Variants in ZFHX3 observed in about 807,000 individuals in gnomAD.
ZFHX3 encodes zinc finger homeobox protein 3.
Under a neutral mutation model 279.1 loss-of-function variants are expected in ZFHX3, and 42 were observed. The observed-to-expected ratio is 0.15, with a 90% CI of 0.12 to 0.19. ZFHX3 has a LOEUF of 0.19. Ranked by LOEUF, ZFHX3 falls within the 10% of genes least tolerant of loss-of-function variation. ZFHX3 has a pLI of 1.00. For missense variants in ZFHX3, 4,981 were observed against 4,754.0 expected (o/e 1.05, Z -1.40); for synonymous variants, 2,293 against 1,957.8 (o/e 1.17, Z -4.52).
At chr16:73,454,812 A>G (rs1056406934) in intron 3 of ZFHX3, among the ~76,000 whole-genome samples, 2 of 152,068 alleles carry the variant, frequency 1.3e-5, no homozygotes, top group Admixed American at 1.3e-4. Flanking sequence ...TTCAATCACA[A>G]ATCTTCTATA....
intron 2 of ZFHX3, among the ~76,000 whole-genome samples, chr16:73,623,655 G>A (rs1232560190): frequency 6.6e-6 from 1 of 152,144 alleles, no homozygotes; most frequent in African/African-American, 2.4e-5. Context: ...GTGAAAAATC[G>A]TGAAATATTT....
At position 72,795,008 on chromosome 16, in the gene ZFHX3, G is replaced by A. The variant is rs1175871710; in HGVS notation, c.7674C>T (p.Asn2558=). Reference sequence around the variant, plus strand: ...CCAAAAACTGGGGGTGGATGAACTGGTTCTGCGCGCTCAGGAAGTGGAGCT... The same window carrying A: ...CCAAAAACTGGGGGTGGATGAACTGATTCTGCGCGCTCAGGAAGTGGAGCT... ...HQQLHFLSAQ[N]QFIHPQFLDR... The change falls in exon 9 of 10, where the codon AAC becomes AAT. Residue 2558 remains asparagine (N), a synonymous_variant. Transcript: ENST00000268489. 1.2e-6 allele frequency: 2 copies of A among 1,614,208 alleles called. No individual in the cohort carries two copies. The highest frequency in any genetic ancestry group is 2.7e-5 in the African/African-American group (2 of 75,054).
intron 7 of ZFHX3, among the ~76,000 whole-genome samples, chr16:73,103,217 G>T (rs888193023): frequency 6.6e-6 from 1 of 152,042 alleles, no homozygotes; most frequent in African/African-American, 2.4e-5. Flanking sequence ...GATTTCCTGC[G>T]CCCAGCCTAT....
intron 4 of ZFHX3, among the ~76,000 whole-genome samples, chr16:73,298,041 A>G (rs1202094519): frequency 1.6e-4 from 24 of 151,418 alleles, no homozygotes; most frequent in Admixed American, 1.6e-3. Context: ...ATAAATAACA[A>G]TTAGCCAGGC....
intron 1 of ZFHX3, among the ~76,000 whole-genome samples, chr16:73,685,717 A>G (rs1243628424): frequency 6.6e-6 from 1 of 152,198 alleles, no homozygotes; most frequent in African/African-American, 2.4e-5. Flanking sequence ...TGTAATAATC[A>G]ACAAAATGCC....
At chr16:73,667,464 A>T (rs1207183615) in intron 2 of ZFHX3, among the ~76,000 whole-genome samples, 1 of 152,178 alleles carries the variant, frequency 6.6e-6, no homozygotes, top group Non-Finnish European at 1.5e-5. Flanking sequence ...AATGATACAT[A>T]TATGTTTCAG....
chr16:73,033,521 G>A (rs1196544334), intron 1 of ZFHX3, among the ~76,000 whole-genome samples: 1 of 151,238 alleles, frequency 6.6e-6, no homozygotes, highest in Non-Finnish European at 1.5e-5. Flanking sequence ...GGGGGAAAGG[G>A]GGCAGGCGGG....
intron 5 of ZFHX3, among the ~76,000 whole-genome samples, chr16:72,817,121 A>C (rs1650511326): frequency 6.6e-6 from 1 of 152,252 alleles, no homozygotes; most frequent in South Asian, 2.1e-4. Context: ...TACTTTAAGG[A>C]ACAGTATCAC....
intron 3 of ZFHX3, among the ~76,000 whole-genome samples, chr16:72,903,549 C>T (rs2039093179): frequency 6.6e-6 from 1 of 152,058 alleles, no homozygotes; most frequent in Non-Finnish European, 1.5e-5. Flanking sequence ...GCTAGAAAAC[C>T]GTATTCTTAC....
chr16:72,798,954 A>G (rs1347962987), intron 8 of ZFHX3, among the ~76,000 whole-genome samples: 1 of 152,256 alleles, frequency 6.6e-6, no homozygotes, highest in African/African-American at 2.4e-5. Flanking sequence ...AAATACAAAA[A>G]GTTTCAATGC....
intron 1 of ZFHX3, among the ~76,000 whole-genome samples, chr16:73,789,258 A>G (rs1959753476): frequency 4.0e-5 from 6 of 151,814 alleles, no homozygotes; most frequent in Admixed American, 3.9e-4. Flanking sequence ...TCAACTCACT[A>G]TAACCAACGC....
intron 7 of ZFHX3, among the ~76,000 whole-genome samples, chr16:73,129,639 C>T (rs28530756): frequency 2.7e-5 from 4 of 150,076 alleles, no homozygotes; most frequent in South Asian, 2.1e-4. Flanking sequence ...TGCGTGTGTG[C>T]GTGTGCGTGT....
upstream of ZFHX3, among the ~76,000 whole-genome samples, chr16:73,064,576 G>T (rs1461026024): frequency 6.6e-6 from 1 of 151,704 alleles, no homozygotes; most frequent in Non-Finnish European, 1.5e-5. Flanking sequence ...GTCATCTCCA[G>T]TACATGGATT....
intron 2 of ZFHX3, among the ~76,000 whole-genome samples, chr16:73,578,923 C>T (rs999052972): frequency 1.3e-5 from 2 of 152,180 alleles, no homozygotes; most frequent in African/African-American, 2.4e-5. Context: ...CCGCCAGGGG[C>T]ATTCCAAATT....
At chr16:73,822,317 C>T (rs373526210) in intron 1 of ZFHX3, among the ~76,000 whole-genome samples, 3 of 152,044 alleles carry the variant, frequency 2.0e-5, no homozygotes, top group Non-Finnish European at 4.4e-5. Flanking sequence ...AGGAAAGGCA[C>T]GATAGTTCAG....
chr16:73,491,030 C>G (rs2019049264), intron 2 of ZFHX3, among the ~76,000 whole-genome samples: 1 of 152,232 alleles, frequency 6.6e-6, no homozygotes, highest in Middle Eastern at 3.4e-3. Context: ...GTGGATATAC[C>G]TTTGACAAAA....
chr16:73,226,009 C>T (rs1375047748), intron 5 of ZFHX3, among the ~76,000 whole-genome samples: 2 of 152,158 alleles, frequency 1.3e-5, no homozygotes, highest in East Asian at 1.9e-4. Flanking sequence ...TGTGTTTGCC[C>T]CCAAGCCTCT....
At chr16:73,853,616 G>C (rs1961645247) in intron 1 of ZFHX3, among the ~76,000 whole-genome samples, 1 of 152,060 alleles carries the variant, frequency 6.6e-6, no homozygotes, top group Non-Finnish European at 1.5e-5. Context: ...CTTATAAGTA[G>C]GAGCTAAACA....
intron 1 of ZFHX3, among the ~76,000 whole-genome samples, chr16:73,783,768 C>T (rs1453937939): frequency 1.3e-5 from 2 of 152,186 alleles, no homozygotes; most frequent in Non-Finnish European, 2.9e-5. Context: ...GAGATAGTTA[C>T]TACTATCATC....
Sources: allele counts gnomAD v4.1 joint callset (sites outside exome capture counted in the v4.1 genomes callset), GRCh38; gene constraint gnomAD v4.1.1; transcripts MANE v1.5; gene names NCBI Gene and HGNC (gene_info 2026-07-23, HGNC 2026-07-21).